Variants in OGDHL observed in about 807,000 individuals in gnomAD.
OGDHL encodes the protein oxoglutarate dehydrogenase L, also known as 2-oxoglutarate dehydrogenase-like, mitochondrial.
OGDHL carries 79 observed loss-of-function variants against 109.6 expected under a neutral mutation model. The observed-to-expected ratio is 0.72, with a 90% CI of 0.60 to 0.87. The LOEUF (loss-of-function observed/expected upper bound fraction) is 0.87, where lower values mean the gene tolerates loss of function less well. Among genes scored for constraint, OGDHL ranks in the 40% least tolerant of loss-of-function variants. OGDHL has a pLI of 0.00. For synonymous variants in OGDHL, 528 were observed against 537.2 expected, an observed-to-expected ratio of 0.98 and a Z score of 0.24; for missense variants, 1,275 against 1,362.2, an observed-to-expected ratio of 0.94 and a Z score of 1.01.
In OGDHL at chr10:49,745,389, T is replaced by G; in HGVS notation, c.1584A>C (p.Ala528=). 6.2e-7 allele frequency: 1 copy of G among 1,614,148 alleles called. No individual in the cohort carries two copies. The highest frequency in any genetic ancestry group is 2.2e-5 in the East Asian group (1 of 44,884). The change falls in exon 12 of 23, where the codon GCA becomes GCC. Residue 528 remains alanine, a synonymous_variant. Transcript: ENST00000374103. ...HRQVPVLKKY[A]DKLIAEGTVT... is the part of the protein sequence containing the mutation. ...CTGTGCCCTCGGCAATCAGCTTGTC[T>G]GCGTACTTCTTCAGCACAGGCACCT...
In OGDHL at chr10:49,746,786, C is replaced by G. The variant is rs767011875; in HGVS notation, c.1260G>C (p.Thr420=). Residue 420 remains threonine (T), a synonymous_variant, in exon 10 of 23, where the codon ACG becomes ACC. Coordinates refer to ENST00000374103, the MANE Select transcript of OGDHL (RefSeq NM_018245.3). ...TFHLSDLPSY[T]TNGTVHVVVN... ...CGACGACGTGCACGGTACCATTGGT[C>G]GTGTAGGAGGGCAGGTCGCTCAGGT... The G allele has an allele frequency of 3.7e-6, 6 of 1,614,036 alleles. No individual in the cohort carries two copies. The Admixed American group carries it at 6.7e-5, about 18-fold the overall frequency.
Position 49,745,327 on chromosome 10 carries a change from G to A in OGDHL, c.1629+17C>T, listed in dbSNP as rs1278910323. 4 of 1,612,208 alleles carry A rather than the reference G, an allele frequency of 2.5e-6. No individual in the cohort carries two copies. The highest frequency in any genetic ancestry group is 2.2e-5 in the East Asian group (1 of 44,874). On this transcript the variant is annotated intron_variant, in intron 12 of 22. Transcript: ENST00000374103. Reference sequence around the variant, plus strand: ...CCCAAAGTTTGTCTTGGGCGCCCCTGCAGCCTGCCTGCCCACCTCAAACTC... The same window carrying A: ...CCCAAAGTTTGTCTTGGGCGCCCCTACAGCCTGCCTGCCCACCTCAAACTC...
At chr10:49,746,623 G>C (rs1842202360) in intron 10 of OGDHL, 127 bp downstream of exon 10, 19 of 1,251,714 alleles carry the variant, frequency 1.5e-5, no homozygotes, top group Admixed American at 2.2e-5. Flanking sequence ...AAAGAGCAGG[G>C]TCCTGCCTGG....
chr10:49,741,228 T>C (rs745838), intron 15 of OGDHL, among the ~76,000 whole-genome samples: 58,345 of 151,974 alleles, frequency 0.38, 13,667 homozygotes, highest in East Asian at 0.87. Context: ...CCCTGCCCCG[T>C]CTTGCTGGCT....
At chr10:49,742,758 G>C (rs182801852) in intron 15 of OGDHL, 70 bp downstream of exon 15, 3 of 1,535,070 alleles carry the variant, frequency 2.0e-6, no homozygotes, top group African/African-American at 1.4e-5. Context: ...AGGCCCCCTC[G>C]GGATCCCCAA....
At position 49,742,493 on chromosome 10, in the gene OGDHL, C is replaced by T. The variant is rs901604880; in HGVS notation, c.2012+335G>A. 8.2e-5 allele frequency among the ~76,000 whole-genome samples: 3 copies of T among 36,402 alleles called. No individual in the cohort carries two copies. In the East Asian group the frequency reaches 4.3e-3, roughly 52 times the overall value. The allele number at this position is 36,402 out of a possible 152,430, so 23.9% of individuals were successfully genotyped here. A position where few individuals can be genotyped will look rare whatever the true frequency, so the allele number is the denominator to read the frequency against. On this transcript the variant is annotated intron_variant, in intron 15 of 22. Coordinates refer to ENST00000374103, the MANE Select transcript of OGDHL (RefSeq NM_018245.3). ...ACCCCCTATACACTCCCCCCACTCA[C>T]CACATACCACACACCACATACACAC...
Position 49,742,057 on chromosome 10 carries a change from C to CGCA in OGDHL, c.2012+770_2012+771insTGC, listed in dbSNP as rs1564530626. 9.4e-5 allele frequency among the ~76,000 whole-genome samples: 9 copies of CGCA among 95,410 alleles called. No homozygotes were observed. In the East Asian group the frequency reaches 2.4e-3, roughly 26 times the overall value. 62.6% of individuals were successfully genotyped at this position (95,410 alleles called of 152,430 possible). On this transcript the variant is annotated intron_variant, in intron 15 of 22. Coordinates refer to ENST00000374103, the MANE Select transcript of OGDHL (RefSeq NM_018245.3). Reference sequence around the variant, plus strand: ...ACATACCACACATATCACACGCACACCACACTACACACCACACACCCCACA... The same window carrying CGCA: ...ACATACCACACATATCACACGCACACGCACACACTACACACCACACACCCCACA...
intron 7 of OGDHL, among the ~76,000 whole-genome samples, chr10:49,750,120 G>A (rs1842483613): frequency 6.6e-6 from 1 of 152,090 alleles, no homozygotes; most frequent in Non-Finnish European, 1.5e-5. Context: ...AGCCACGAAT[G>A]GGGACCCCTG....
chr10:49,739,560 A>T, intron 17 of OGDHL, 101 bp downstream of exon 17: 2 of 1,391,480 alleles, frequency 1.4e-6, no homozygotes, highest in Non-Finnish European at 1.9e-6. Flanking sequence ...GGGGCCTGGA[A>T]GGCATATACC....
chr10:49,755,597 C>A (rs1348501655), intron 3 of OGDHL, among the ~76,000 whole-genome samples: 1 of 152,100 alleles, frequency 6.6e-6, no homozygotes, highest in Non-Finnish European at 1.5e-5. Flanking sequence ...ATTCTAACCA[C>A]AGCTGTGCCT....
chr10:49,737,505 C>T (rs375108340), intron 20 of OGDHL, among the ~76,000 whole-genome samples: 2 of 152,206 alleles, frequency 1.3e-5, no homozygotes, highest in Admixed American at 1.3e-4. Flanking sequence ...CAATATCTTG[C>T]GAACTCAGCA....
intron 16 of OGDHL, 73 bp downstream of exon 16, chr10:49,740,637 G>T (rs1166665127): frequency 2.6e-5 from 40 of 1,544,114 alleles, no homozygotes; most frequent in Non-Finnish European, 3.5e-6. Flanking sequence ...CCCTGGCCCC[G>T]GTCCCTTCCC....
chr10:49,746,159 G>T (rs1842170797), intron 10 of OGDHL, among the ~76,000 whole-genome samples, 182 bp from the exon 11 acceptor site: 1 of 152,160 alleles, frequency 6.6e-6, no homozygotes, highest in African/African-American at 2.4e-5. Flanking sequence ...GCTCCCACGG[G>T]GACGGCAGCA....
chr10:49,750,821 G>T lies in OGDHL; in HGVS notation c.896+18C>A. ...GCTGGAGGAGAATGCGCAAGGCACA[G>T]CAGGGAGGGGGACCCACCTGTGTGG... On this transcript the variant is annotated intron_variant, in intron 7 of 22. Coordinates refer to ENST00000374103, the MANE Select transcript of OGDHL (RefSeq NM_018245.3). 6.2e-7 allele frequency: 1 copy of T among 1,600,836 alleles called. No individual in the cohort carries two copies. The highest frequency in any genetic ancestry group is 8.5e-7 in the Non-Finnish European group (1 of 1,172,406).
intron 21 of OGDHL, 57 bp downstream of exon 21, chr10:49,736,300 C>T (rs1014606949): frequency 8.1e-6 from 13 of 1,602,856 alleles, no homozygotes; most frequent in African/African-American, 2.7e-5. Context: ...TGGCCAGAGC[C>T]GGGGCCAGCG....
chr10:49,747,291 G>A, intron 8 of OGDHL, 83 bp from the exon 9 acceptor site: 2 of 1,475,474 alleles, frequency 1.4e-6, no homozygotes, highest in Non-Finnish European at 1.9e-6. Flanking sequence ...GCAGCCCACA[G>A]TCAGGCTGGC....
chr10:49,753,888 TA>T (rs63200161), intron 3 of OGDHL, among the ~76,000 whole-genome samples: 8,896 of 87,234 alleles, frequency 0.1, 373 homozygotes, highest in Admixed American at 0.16. Flanking sequence ...AAACTCCATC[TA>T]AAAAAAAAAA....
In OGDHL at chr10:49,736,069, T is replaced by C. The variant is rs776268581; in HGVS notation, c.2863A>G (p.Ile955Val). ...EHKNMGYYDY[I>V]SPRFMTILRR... ...AGGATGGTCATGAAGCGTGGGCTGA[T>C]GTAGTCATAGTAGCCCATGTTCTTG... The change falls in exon 22 of 23, where the codon ATC becomes GTC. Residue 955 changes from isoleucine (I) to valine (V), a missense_variant. Ile to Val is a conservative substitution (Grantham distance 29, BLOSUM62 3). Transcript: ENST00000374103. The C allele has an allele frequency of 8.1e-6, 13 of 1,610,000 alleles. No homozygotes were observed. Among genetic ancestry groups the C allele is most frequent in the Non-Finnish European group, 1.0e-5 (12 of 1,178,012 alleles).
At chr10:49,738,627 A>C in intron 17 of OGDHL, 4 of 293,494 alleles carry the variant, frequency 1.4e-5, no homozygotes, top group Non-Finnish European at 2.6e-5. Flanking sequence ...CTAACCCCCA[A>C]AGTAGCCCCA....
Sources: gnomAD v4.1 joint callset for allele counts (sites outside exome capture counted in the v4.1 genomes callset) on GRCh38, gnomAD v4.1.1 for gene constraint, MANE v1.5 for transcripts, NCBI Gene and HGNC (gene_info 2026-07-23, HGNC 2026-07-21) for gene names.